TCTA: variants seen among roughly 807,000 people sequenced by gnomAD.
TCTA encodes T cell leukemia translocation altered.
In TCTA, 13 loss-of-function variants were observed where a neutral mutation model predicts 13.5. The ratio of observed to expected loss-of-function variants is 0.96; its 90% CI spans 0.63 to 1.53. TCTA has a LOEUF of 1.53. Among genes scored for constraint, TCTA ranks in the 40% most tolerant of loss-of-function variants. The pLI, the probability that TCTA is intolerant of heterozygous loss-of-function variation, is 0.00. For synonymous variants in TCTA, 58 were observed against 59.0 expected, an observed-to-expected ratio of 0.98 and a Z score of 0.08; for missense variants, 138 against 131.3, an observed-to-expected ratio of 1.05 and a Z score of -0.25.
Position 49,415,709 on chromosome 3 carries a change from AG to A in TCTA, c.*850del, listed in dbSNP as rs1235311484. On this transcript the variant is annotated 3_prime_UTR_variant, in exon 3 of 3. Coordinates refer to ENST00000273590, the MANE Select transcript of TCTA (RefSeq NM_022171.3). The stretch of plus-strand genomic sequence containing the variant: ...TTAGCTGGCCATTCAGGTATAAGGC[AG>A]GGTGGTGTACCTGCTGGCACTATCC... 3.9e-5 allele frequency: 6 copies of A among 152,314 alleles called. No homozygotes were observed. Among genetic ancestry groups the A allele is most frequent in the Non-Finnish European group, 8.8e-5 (6 of 68,048 alleles). 9.4% of individuals were successfully genotyped at this position (152,314 alleles called of 1,614,324 possible).
intron 1 of TCTA, 111 bp from the exon 2 acceptor site, chr3:49,412,945 C>A: frequency 1.8e-6 from 2 of 1,123,570 alleles, no homozygotes; most frequent in Non-Finnish European, 2.6e-6. Context: ...CCTTAGGACC[C>A]TCACCAGACT....
intron 2 of TCTA, 42 bp from the exon 3 acceptor site, chr3:49,414,778 A>G (rs759823769): frequency 4.3e-6 from 7 of 1,613,040 alleles, no homozygotes; most frequent in Non-Finnish European, 5.1e-6. Context: ...TGTTCTGCCC[A>G]TGGAATAACC....
intron 2 of TCTA, 30 bp from the exon 3 acceptor site, chr3:49,414,790 C>T: frequency 2.5e-6 from 4 of 1,613,642 alleles, no homozygotes; most frequent in Non-Finnish European, 3.4e-6. Context: ...GGAATAACCA[C>T]TCTCTCTTCT....
At chr3:49,414,342 T>C (rs777405173) in intron 2 of TCTA, among the ~76,000 whole-genome samples, 12 of 151,912 alleles carry the variant, frequency 7.9e-5, no homozygotes, top group Non-Finnish European at 1.5e-4. Flanking sequence ...GAGACCAGCC[T>C]GGCCAACATG....
intron 2 of TCTA, 93 bp from the exon 3 acceptor site, chr3:49,414,727 C>G: frequency 1.3e-6 from 2 of 1,498,314 alleles, no homozygotes; most frequent in Non-Finnish European, 1.8e-6. Context: ...GAGCCTAGCT[C>G]AGCCCCCAAG....
rs1255475319 is a variant in TCTA, at chr3:49,415,108, C to G, written c.*246C>G. The stretch of plus-strand genomic sequence containing the variant: ...CTTAAGGAGAGAGATTGTGTTCTTC[C>G]TCTCTCAGGGGTGATAACTCAGGAA... On this transcript the variant is annotated 3_prime_UTR_variant, in exon 3 of 3. Transcript: ENST00000273590. 1 of 498,020 alleles carries G rather than the reference C, an allele frequency of 2.0e-6. No homozygotes were observed. Among genetic ancestry groups the G allele is most frequent in the Non-Finnish European group, 3.6e-6 (1 of 276,422 alleles). The allele number at this position is 498,020 out of a possible 1,614,324, so 30.9% of individuals were successfully genotyped here.
At chr3:49,414,363 G>A (rs1052835147) in intron 2 of TCTA, among the ~76,000 whole-genome samples, 3 of 151,510 alleles carry the variant, frequency 2.0e-5, no homozygotes, top group South Asian at 2.1e-4. Context: ...GCGAAACCCC[G>A]TCTTCACTAA....
chr3:49,415,922 T>C lies in TCTA; in HGVS notation c.*1060T>C, dbSNP rs1382957287. ...TCCTATCCACCACTGCTTAAGTGCC[T>C]ATGGGAATGTGGGTCTGCACCTTGT... On this transcript the variant is annotated 3_prime_UTR_variant, in exon 3 of 3. Coordinates refer to ENST00000273590, the MANE Select transcript of TCTA (RefSeq NM_022171.3). The C allele has an allele frequency of 6.6e-6, 1 of 152,248 alleles. No individual in the cohort carries two copies. Among genetic ancestry groups the C allele is most frequent in the Non-Finnish European group, 1.5e-5 (1 of 68,086 alleles). The allele number at this position is 152,248 out of a possible 1,614,324, so 9.4% of individuals were successfully genotyped here.
chr3:49,413,160 A>C (rs1260544782), intron 2 of TCTA, 50 bp downstream of exon 2: 1 of 1,603,160 alleles, frequency 6.2e-7, no homozygotes, highest in Admixed American at 1.7e-5. Context: ...TTCCAAGGAC[A>C]CTCCTGTGCT....
rs1264472398 is a variant in TCTA, at chr3:49,415,276, G to A, written c.*414G>A. ...TCACGCCTGTAATCCCAACACTTTG[G>A]GAGGCTGAGGCAGGCAGATCACGAG... On this transcript the variant is annotated 3_prime_UTR_variant, in exon 3 of 3. Coordinates refer to ENST00000273590, the MANE Select transcript of TCTA (RefSeq NM_022171.3). 6.1e-6 allele frequency: 1 copy of A among 162,680 alleles called. No homozygotes were observed. Among genetic ancestry groups the A allele is most frequent in the Non-Finnish European group, 1.4e-5 (1 of 74,068 alleles). The allele number at this position is 162,680 out of a possible 1,614,324, so 10.1% of individuals were successfully genotyped here. A position where few individuals can be genotyped will look rare whatever the true frequency, so the allele number is the denominator to read the frequency against.
chr3:49,414,792 C>G, intron 2 of TCTA, 28 bp from the exon 3 acceptor site: 1 of 1,613,708 alleles, frequency 6.2e-7, no homozygotes, highest in Non-Finnish European at 8.5e-7. Flanking sequence ...AATAACCACT[C>G]TCTCTTCTCT....
intron 2 of TCTA, among the ~76,000 whole-genome samples, chr3:49,413,738 C>T (rs375933460): frequency 7.9e-5 from 12 of 152,290 alleles, no homozygotes; most frequent in East Asian, 5.8e-4. Context: ...GGGAAGAATA[C>T]GGGTGACATA....
In TCTA at chr3:49,412,624, G is replaced by C. The variant is rs1294294400; in HGVS notation, c.198G>C (p.Gly66=). ...AWGFYGNTVT[G]LYHRPGLGGQ... ...GGTTCTACGGGAATACAGTGACCGG[G>C]TTGTATCACCGTCCAGGTGAGGCTT... Residue 66 remains glycine (G), a synonymous_variant, in exon 1 of 3, where the codon GGG becomes GGC. Coordinates refer to ENST00000273590, the MANE Select transcript of TCTA (RefSeq NM_022171.3). The C allele has an allele frequency of 3.1e-6, 5 of 1,614,082 alleles. No individual in the cohort carries two copies. The highest frequency in any genetic ancestry group is 3.4e-6 in the Non-Finnish European group (4 of 1,179,926).
intron 2 of TCTA, 162 bp downstream of exon 2, chr3:49,413,272 G>A (rs2048972386): frequency 1.4e-6 from 1 of 716,506 alleles, no homozygotes; most frequent in South Asian, 1.7e-5. Context: ...AAGTTAGGGT[G>A]ACACCAAGGT....
Position 49,414,934 on chromosome 3 carries a change from C to T in TCTA, c.*72C>T. 1 of 1,595,206 alleles carries T rather than the reference C, an allele frequency of 6.3e-7. No individual in the cohort carries two copies. The highest frequency in any genetic ancestry group is 8.6e-7 in the Non-Finnish European group (1 of 1,164,334). ...TTCTACACTGGGTTCTGCTACTCCC[C>T]AGACCTCAGGGACAACTGCCGGGGG... On this transcript the variant is annotated 3_prime_UTR_variant, in exon 3 of 3. Coordinates refer to ENST00000273590, the MANE Select transcript of TCTA (RefSeq NM_022171.3).
At chr3:49,413,215 A>G in intron 2 of TCTA, 105 bp downstream of exon 2, 2 of 1,315,448 alleles carry the variant, frequency 1.5e-6, no homozygotes, top group South Asian at 2.4e-5. Flanking sequence ...CACCAGCTTA[A>G]TGGCCTTTGC....
Position 49,412,656 on chromosome 3 carries a change from A to C in TCTA, c.214+16A>C. 1 of 1,610,780 alleles carries C rather than the reference A, an allele frequency of 6.2e-7. No individual in the cohort carries two copies. The highest frequency in any genetic ancestry group is 8.5e-7 in the Non-Finnish European group (1 of 1,177,278). On this transcript the variant is annotated intron_variant, in intron 1 of 2. Transcript: ENST00000273590. ...CACCGTCCAGGTGAGGCTTCCTACG[A>C]ACCTCCGTGGGCTGGCCGCCCCCGC...
chr3:49,414,587 GAGA>G (rs1326059791), intron 2 of TCTA, among the ~76,000 whole-genome samples: 1 of 152,158 alleles, frequency 6.6e-6, no homozygotes, highest in African/African-American at 2.4e-5. Flanking sequence ...AAAAAAACTA[GAGA>G]AGGATGGCAA....
rs1328086841 is a variant in TCTA at position 49,416,005 on chromosome 3, C to T, written c.*1143C>T. 1.3e-5 allele frequency: 2 copies of T among 152,514 alleles called. No homozygotes were observed. The highest frequency in any genetic ancestry group is 3.8e-4 in the East Asian group (2 of 5,208). 9.4% of individuals were successfully genotyped at this position (152,514 alleles called of 1,614,324 possible). ...ACAGTGGCCCCATCATAGCCTGCAG[C>T]CTCATCATTTCCCATCTGGACCTGG... On this transcript the variant is annotated 3_prime_UTR_variant, in exon 3 of 3. Transcript: ENST00000273590.
Sources: allele counts gnomAD v4.1 joint callset (sites outside exome capture counted in the v4.1 genomes callset), GRCh38; gene constraint gnomAD v4.1.1; transcripts MANE v1.5; gene names NCBI Gene and HGNC (gene_info 2026-07-23, HGNC 2026-07-21).